Variants in WDR25 observed in about 807,000 individuals in gnomAD.
The protein encoded by WDR25 is WD repeat domain 25.
Under a neutral mutation model 47.7 loss-of-function variants are expected in WDR25, and 35 were observed. That is an observed-to-expected ratio of 0.73 (90% confidence interval 0.56 to 0.97). The LOEUF is 0.97. WDR25 is among the 50% of genes least tolerant of loss of function. The probability of loss-of-function intolerance (pLI) is 0.00; values close to 1 mark genes in which losing one functional copy is unlikely to be tolerated. For synonymous variants in WDR25, 248 were observed against 278.9 expected (o/e 0.89, Z 1.10); for missense variants, 634 against 704.7 (o/e 0.90, Z 1.14).
chr14:100,428,954 G>C lies in WDR25; in HGVS notation c.823-39067G>C, dbSNP rs1287083059. On this transcript the variant is annotated intron_variant, in intron 2 of 6. Coordinates refer to ENST00000402312, the MANE Select transcript of WDR25 (RefSeq NM_001161476.3). This position sits in a 1 kb window ranked among gnomAD's most constrained non-coding sequence, Gnocchi z 4.3. ...TCTGAGTCATCTAATATGGTTTCCC[G>C]AGCGTGTCAGCTTCACTTCACATAA... Among the ~76,000 whole-genome samples, 2 of 152,052 alleles carry C rather than the reference G, an allele frequency of 1.3e-5. No homozygotes were observed. Among genetic ancestry groups the C allele is most frequent in the Admixed American group, 6.6e-5 (1 of 15,220 alleles).
At position 100,523,778 on chromosome 14, in the gene WDR25, C is replaced by T. The variant is rs150329628; in HGVS notation, c.1102-2092C>T. On this transcript the variant is annotated intron_variant, in intron 4 of 6. Coordinates refer to ENST00000402312, the MANE Select transcript of WDR25 (RefSeq NM_001161476.3). The surrounding 1 kb of genome is among the most constrained non-coding windows in gnomAD (Gnocchi z 4.7). ...TGCTTTCCCCAAGACCATGTCCCTGCATCTCTACCAGGGGCCCGCAGTTGC... is the reference window on the plus strand; with the variant it reads ...TGCTTTCCCCAAGACCATGTCCCTGTATCTCTACCAGGGGCCCGCAGTTGC... 5.5e-4 allele frequency among the ~76,000 whole-genome samples: 84 copies of T among 152,246 alleles called. No homozygotes were observed. Among genetic ancestry groups the T allele is most frequent in the African/African-American group, 1.8e-3 (76 of 41,546 alleles).
At chr14:100,420,132 C>T (rs1897984906) in intron 2 of WDR25, among the ~76,000 whole-genome samples, 2 of 152,236 alleles carry the variant, frequency 1.3e-5, no homozygotes, top group Admixed American at 1.3e-4. Flanking sequence ...CCAGGGGCAT[C>T]TGGAAGCCTG....
chr14:100,506,088 A>C lies in WDR25; in HGVS notation c.1102-19782A>C, dbSNP rs1472832251. ...GCTCCCTCCCTCCACCCTCTAGACCACAGTGTCTATTGTGCCATCTTTATT... is the reference window on the plus strand; with the variant it reads ...GCTCCCTCCCTCCACCCTCTAGACCCCAGTGTCTATTGTGCCATCTTTATT... On this transcript the variant is annotated intron_variant, in intron 4 of 6. Coordinates refer to ENST00000402312, the MANE Select transcript of WDR25 (RefSeq NM_001161476.3). The surrounding 1 kb of genome is among the most constrained non-coding windows in gnomAD (Gnocchi z 4.8). Among the ~76,000 whole-genome samples the C allele has an allele frequency of 6.6e-6, 1 of 152,092 alleles. No individual in the cohort carries two copies. The highest frequency in any genetic ancestry group is 1.5e-5 in the Non-Finnish European group (1 of 68,010).
intron 4 of WDR25, among the ~76,000 whole-genome samples, chr14:100,492,144 G>A (rs1235858234): frequency 6.6e-6 from 1 of 152,268 alleles, no homozygotes; most frequent in Non-Finnish European, 1.5e-5. Context: ...CCCTAAAGCT[G>A]TAGAAGGGAC....
intron 2 of WDR25, chr14:100,455,426 A>G (rs1195819115): frequency 6.6e-6 from 1 of 152,206 alleles, no homozygotes; most frequent in East Asian, 1.9e-4. Context: ...CAGAAAATCT[A>G]TTATACAAGT....
chr14:100,431,196 G>A lies in WDR25; in HGVS notation c.823-36825G>A, dbSNP rs191062807. Among the ~76,000 whole-genome samples, 19 of 152,194 alleles carry A rather than the reference G, an allele frequency of 1.2e-4. 1 individual carries two copies. Among genetic ancestry groups the A allele is most frequent in the Admixed American group, 9.8e-4 (15 of 15,298 alleles). On this transcript the variant is annotated intron_variant, in intron 2 of 6. Coordinates refer to ENST00000402312, the MANE Select transcript of WDR25 (RefSeq NM_001161476.3). ...ATTGATTTGAGTATCTGTATCCTTG[G>A]AGCTTCAGTTAATAAAATAACTTTT... is the stretch of plus-strand genomic sequence containing the variant.
intron 4 of WDR25, among the ~76,000 whole-genome samples, chr14:100,504,228 C>A (rs59401128): frequency 0.14 from 20,755 of 152,164 alleles, 4,517 homozygotes; most frequent in African/African-American, 0.46. Flanking sequence ...TAATATCATC[C>A]ACTCTCTAAT....
rs34228853 is a variant in WDR25, at chr14:100,497,151, C to T, written c.1101+13027C>T. Among the ~76,000 whole-genome samples the T allele has an allele frequency of 8.8e-3, 1,346 of 152,228 alleles. 9 individuals carry two copies. The highest frequency in any genetic ancestry group is 0.027 in the Middle Eastern group (8 of 294). ...AAATTTGCCAAGGTTAGCTTTATGG[C>T]CCAGAATATAGCCTGCAGTGTTGAA... On this transcript the variant is annotated intron_variant, in intron 4 of 6. Coordinates refer to ENST00000402312, the MANE Select transcript of WDR25 (RefSeq NM_001161476.3).
intron 2 of WDR25, among the ~76,000 whole-genome samples, chr14:100,439,316 G>A (rs781489994): frequency 4.6e-5 from 7 of 152,238 alleles, no homozygotes; most frequent in Non-Finnish European, 8.8e-5. Context: ...TGACGAAGCT[G>A]CTGTTGCTTC....
intron 4 of WDR25, among the ~76,000 whole-genome samples, chr14:100,516,653 T>C (rs1901505225): frequency 6.6e-6 from 1 of 152,154 alleles, no homozygotes; most frequent in Non-Finnish European, 1.5e-5. Context: ...TGTTCTGAAG[T>C]CTACTTTGCC....
intron 4 of WDR25, among the ~76,000 whole-genome samples, chr14:100,509,957 CT>C (rs938175034): frequency 4.6e-4 from 66 of 144,402 alleles, no homozygotes; most frequent in Non-Finnish European, 5.4e-4. Context: ...CCATTGATTT[CT>C]TTTTTTTTTT....
intron 1 of WDR25, among the ~76,000 whole-genome samples, chr14:100,380,035 C>T (rs922797702): frequency 3.0e-5 from 4 of 132,262 alleles, no homozygotes; most frequent in African/African-American, 1.1e-4. Flanking sequence ...ACCACTGCAC[C>T]CAGCGCTTTT....
chr14:100,524,496 C>T (rs934035511), intron 4 of WDR25, among the ~76,000 whole-genome samples: 2 of 152,186 alleles, frequency 1.3e-5, no homozygotes, highest in African/African-American at 2.4e-5. Flanking sequence ...GGCAGGCAGC[C>T]GTGCCGTGAG....
chr14:100,394,906 G>A (rs1194869382), intron 2 of WDR25, among the ~76,000 whole-genome samples: 1 of 152,108 alleles, frequency 6.6e-6, no homozygotes, highest in Non-Finnish European at 1.5e-5. Context: ...GATTGCTTGA[G>A]CCCAGGAGGT....
intron 2 of WDR25, chr14:100,406,933 C>T (rs2140181904): frequency 6.6e-6 from 1 of 152,532 alleles, no homozygotes; most frequent in Non-Finnish European, 1.5e-5. Flanking sequence ...CCTTTCATTC[C>T]CTTCTTCCTT....
chr14:100,466,984 C>T (rs2140295051), intron 2 of WDR25, among the ~76,000 whole-genome samples: 1 of 152,296 alleles, frequency 6.6e-6, no homozygotes, highest in South Asian at 2.1e-4. Context: ...CGTGGTGTGG[C>T]CCTGGCTCTG....
rs1412987413 is a variant in WDR25, at chr14:100,428,044, C to G, written c.823-39977C>G. 6.6e-6 allele frequency among the ~76,000 whole-genome samples: 1 copy of G among 152,268 alleles called. No individual in the cohort carries two copies. Among genetic ancestry groups the G allele is most frequent in the Non-Finnish European group, 1.5e-5 (1 of 68,046 alleles). Reference sequence around the variant, plus strand: ...CTTTTCCTCCTGAGACCCTAACACGCTCCCTTTCCTTTCCTTTTTGAGGGA... The same window carrying G: ...CTTTTCCTCCTGAGACCCTAACACGGTCCCTTTCCTTTCCTTTTTGAGGGA... On this transcript the variant is annotated intron_variant, in intron 2 of 6. Coordinates refer to ENST00000402312, the MANE Select transcript of WDR25 (RefSeq NM_001161476.3). This position sits in a 1 kb window ranked among gnomAD's most constrained non-coding sequence, Gnocchi z 4.3.
Position 100,529,916 on chromosome 14 carries a change from A to G in WDR25, c.1510A>G (p.Thr504Ala). Residue 504 changes from threonine (T) to alanine (A), a missense_variant, in exon 7 of 7, where the codon ACA becomes GCA. By Grantham distance (58) the Thr-to-Ala change is moderately conservative. Transcript: ENST00000402312. The surrounding 1 kb of genome is among the most constrained non-coding windows in gnomAD (Gnocchi z 5.1). ...CCGGGTCCTGATGTACAGCTTCCGC[A>G]CAGCCAGCCGAGCATGCACACTGCA... is the stretch of plus-strand genomic sequence containing the variant. ...DGRVLMYSFR[T>A]ASRACTLQGH... 1 of 1,613,454 alleles carries G rather than the reference A, an allele frequency of 6.2e-7. No homozygotes were observed. Among genetic ancestry groups the G allele is most frequent in the Non-Finnish European group, 8.5e-7 (1 of 1,180,032 alleles).
intron 2 of WDR25, among the ~76,000 whole-genome samples, chr14:100,388,121 G>A (rs1262057871): frequency 2.0e-5 from 3 of 152,226 alleles, no homozygotes; most frequent in East Asian, 1.9e-4. Flanking sequence ...GATTTGATGT[G>A]TGGAGTGAGG....
Sources: gnomAD v4.1 joint callset for allele counts (sites outside exome capture counted in the v4.1 genomes callset) on GRCh38, gnomAD v4.1.1 for gene constraint, Gnocchi (gnomAD v3.1) non-coding constraint, MANE v1.5 for transcripts, NCBI Gene and HGNC (gene_info 2026-07-23, HGNC 2026-07-21) for gene names.